Variants in CTNND2 observed in about 807,000 individuals in gnomAD.
The protein encoded by CTNND2 is catenin delta 2.
CTNND2 carries 22 observed loss-of-function variants against 144.4 expected under a neutral mutation model. That is an observed-to-expected ratio of 0.15 (90% CI 0.11 to 0.22). CTNND2 has a LOEUF of 0.22. Among genes scored for constraint, CTNND2 ranks in the 10% least tolerant of loss-of-function variants. The pLI, the probability that CTNND2 is intolerant of heterozygous loss-of-function variation, is 1.00. For missense variants in CTNND2, 1,353 were observed against 1,618.8 expected, an observed-to-expected ratio of 0.84 and a Z score of 2.82; for synonymous variants, 751 against 695.6, an observed-to-expected ratio of 1.08 and a Z score of -1.25.
intron 6 of CTNND2, among the ~76,000 whole-genome samples, chr5:11,396,529 C>A (rs571236917): frequency 2.0e-5 from 3 of 152,324 alleles, no homozygotes; most frequent in Admixed American, 6.5e-5. Flanking sequence ...TCACAAAATG[C>A]AGCTATGCCT....
intron 16 of CTNND2, among the ~76,000 whole-genome samples, chr5:11,032,013 G>A (rs747333365): frequency 2.4e-4 from 37 of 152,324 alleles, no homozygotes; most frequent in Non-Finnish European, 4.1e-4. Flanking sequence ...TTGTGATCAT[G>A]TAAGCCAATT....
intron 2 of CTNND2, among the ~76,000 whole-genome samples, chr5:11,671,905 T>C (rs1036485050): frequency 5.3e-5 from 8 of 152,154 alleles, no homozygotes; most frequent in East Asian, 1.9e-4. Flanking sequence ...TTTCTCCCCA[T>C]GTTCGTGGAT....
At chr5:11,074,826 A>C (rs1748745456) in intron 16 of CTNND2, among the ~76,000 whole-genome samples, 1 of 152,176 alleles carries the variant, frequency 6.6e-6, no homozygotes, top group Admixed American at 6.5e-5. Context: ...CGTCCTTTAA[A>C]TATCACCAGG....
chr5:10,984,506 C>G (rs2062686), intron 20 of CTNND2, among the ~76,000 whole-genome samples: 2 of 151,972 alleles, frequency 1.3e-5, no homozygotes, highest in African/African-American at 4.8e-5. Context: ...GACGCTCTCA[C>G]CAGAGGAATC....
At chr5:11,357,285 C>A (rs1236950477) in intron 8 of CTNND2, among the ~76,000 whole-genome samples, 1 of 152,012 alleles carries the variant, frequency 6.6e-6, no homozygotes, top group Non-Finnish European at 1.5e-5. Context: ...ACCTATGTGT[C>A]CAACAATGGG....
At chr5:11,870,487 T>C (rs1332081931) in intron 1 of CTNND2, among the ~76,000 whole-genome samples, 1 of 152,214 alleles carries the variant, frequency 6.6e-6, no homozygotes, top group East Asian at 1.9e-4. Flanking sequence ...GGAGATGAAT[T>C]TGCTTACAAA....
intron 3 of CTNND2, among the ~76,000 whole-genome samples, chr5:11,419,059 G>GATAT (rs567466512): frequency 8.3e-6 from 1 of 120,918 alleles, no homozygotes; most frequent in Non-Finnish European, 1.6e-5. Flanking sequence ...CATCTATATA[G>GATAT]ATATATATAT....
chr5:11,243,512 G>A (rs537721701), intron 9 of CTNND2, among the ~76,000 whole-genome samples: 206 of 152,324 alleles, frequency 1.4e-3, no homozygotes, highest in African/African-American at 4.6e-3. Context: ...GAGGAGAAAT[G>A]AGAACCCTCT....
chr5:11,384,957 C>T lies in CTNND2; in HGVS notation c.885G>A (p.Pro295=), dbSNP rs1408586674. 2.6e-6 allele frequency: 4 copies of T among 1,568,532 alleles called. No homozygotes were observed. Among genetic ancestry groups the T allele is most frequent in the Non-Finnish European group, 3.4e-6 (4 of 1,161,218 alleles). The part of the protein sequence containing the change: ...SAPEGATYAA[P]RGSSPKQSPS... Reference sequence around the variant, plus strand: ...GCGACTGCTTGGGCGAGGAGCCGCGCGGCGCGGCGTAGGTGGCGCCCTCGG... The same window carrying T: ...GCGACTGCTTGGGCGAGGAGCCGCGTGGCGCGGCGTAGGTGGCGCCCTCGG... Residue 295 remains proline, a synonymous_variant, in exon 7 of 22, where the codon CCG becomes CCA. Transcript: ENST00000304623. The surrounding 1 kb of genome is among the most constrained non-coding windows in gnomAD (Gnocchi z 5.2).
rs147077040 is a variant in CTNND2 at position 11,261,992 on chromosome 5, C to T, written c.1629-25169G>A. Among the ~76,000 whole-genome samples, 974 of 152,190 alleles carry T rather than the reference C, an allele frequency of 6.4e-3. 9 individuals are homozygous for T. Among genetic ancestry groups the T allele is most frequent in the African/African-American group, 0.022 (910 of 41,522 alleles). On this transcript the variant is annotated intron_variant, in intron 9 of 21. Coordinates refer to ENST00000304623, the MANE Select transcript of CTNND2 (RefSeq NM_001332.4). ...ATCAAGGTGAGTCAAAACATATCTA[C>T]GCCTTAGTTATTTATTTCATAATTT...
chr5:11,090,189 G>A (rs1185609312), intron 15 of CTNND2, among the ~76,000 whole-genome samples: 2 of 152,180 alleles, frequency 1.3e-5, no homozygotes, highest in African/African-American at 4.8e-5. Context: ...GAGGTGGCAT[G>A]TCCGGAGCCA....
At chr5:11,185,671 T>C (rs1419317779) in intron 11 of CTNND2, among the ~76,000 whole-genome samples, 1 of 152,170 alleles carries the variant, frequency 6.6e-6, no homozygotes, top group Non-Finnish European at 1.5e-5. Context: ...TCTCCTCCTC[T>C]AGGCTGAGTT....
chr5:11,113,483 TC>T (rs1753219705), intron 13 of CTNND2, among the ~76,000 whole-genome samples: 1 of 152,162 alleles, frequency 6.6e-6, no homozygotes, highest in Non-Finnish European at 1.5e-5. Flanking sequence ...GAATATTTAT[TC>T]TCTGACCTTT....
chr5:11,493,521 T>C (rs567326290), intron 3 of CTNND2, among the ~76,000 whole-genome samples: 2 of 152,344 alleles, frequency 1.3e-5, no homozygotes, highest in South Asian at 2.1e-4. Context: ...TGTAATCTTA[T>C]AAAGAATGGC....
At chr5:11,346,233 G>A (rs1245981071) in intron 9 of CTNND2, 139 bp downstream of exon 9, 6 of 769,884 alleles carry the variant, frequency 7.8e-6, no homozygotes, top group Middle Eastern at 6.0e-4. Flanking sequence ...CACATTCCAA[G>A]TCAAACAAAA....
chr5:11,277,973 C>T (rs1420195830), intron 9 of CTNND2, among the ~76,000 whole-genome samples: 2 of 152,204 alleles, frequency 1.3e-5, no homozygotes, highest in Non-Finnish European at 2.9e-5. Context: ...AGCCTCTTGT[C>T]TCCACTTTTC....
intron 2 of CTNND2, among the ~76,000 whole-genome samples, chr5:11,609,850 G>C (rs1780230675): frequency 6.6e-6 from 1 of 152,176 alleles, no homozygotes; most frequent in Non-Finnish European, 1.5e-5. Context: ...TCATGACCAA[G>C]TGACAATGAA....
intron 3 of CTNND2, among the ~76,000 whole-genome samples, chr5:11,557,509 C>T (rs900557619): frequency 6.6e-6 from 1 of 152,104 alleles, no homozygotes; most frequent in Non-Finnish European, 1.5e-5. Flanking sequence ...CCCACAAAGC[C>T]CCTCCGTCTT....
Position 11,376,167 on chromosome 5 carries a change from A to T in CTNND2, c.1177+8498T>A, listed in dbSNP as rs770342957. ...TCCAGCCTCCAGAACTAGGAGAAATAAATCTCTGTTGTTTGTAAGTTACAC... is the reference window on the plus strand; with the variant it reads ...TCCAGCCTCCAGAACTAGGAGAAATTAATCTCTGTTGTTTGTAAGTTACAC... On this transcript the variant is annotated intron_variant, in intron 7 of 21. Transcript: ENST00000304623. Among the ~76,000 whole-genome samples, 84 of 152,168 alleles carry T rather than the reference A, an allele frequency of 5.5e-4. 2 individuals carry two copies. Among genetic ancestry groups the T allele is most frequent in the Admixed American group, 2.6e-4 (4 of 15,280 alleles).
Sources: gnomAD v4.1 joint callset for allele counts (sites outside exome capture counted in the v4.1 genomes callset) on GRCh38, gnomAD v4.1.1 for gene constraint, Gnocchi (gnomAD v3.1) non-coding constraint, MANE v1.5 for transcripts, NCBI Gene and HGNC (gene_info 2026-07-23, HGNC 2026-07-21) for gene names.